Variants in NLGN3 observed in about 807,000 individuals in gnomAD.
NLGN3 encodes neuroligin-3.
In NLGN3, 11 loss-of-function variants were observed where a neutral mutation model predicts 42.9. The observed-to-expected ratio is 0.26, with a 90% CI of 0.16 to 0.42. The LOEUF (loss-of-function observed/expected upper bound fraction) is 0.42. NLGN3 is among the 10% of genes least tolerant of loss of function. The pLI is 1.00. For synonymous variants in NLGN3, 279 were observed against 312.7 expected (o/e 0.89, Z 1.14); for missense variants, 374 against 733.8 (o/e 0.51, Z 5.67).
rs190937116 is a variant in NLGN3 at position 71,158,220 on chromosome X, G to T, written c.727+2857G>T. 1.8e-3 allele frequency among the ~76,000 whole-genome samples: 196 copies of T among 110,373 alleles called. 2 individuals carry two copies. The highest frequency in any genetic ancestry group is 3.1e-3 in the Non-Finnish European group (165 of 52,830). ...AGCCTCCCGAGCAGCTGGGATTATG[G>T]ATTACAGGTGTGCACCACCACACCC... On this transcript the variant is annotated intron_variant, in intron 5 of 7. Transcript: ENST00000358741.
At chrX:71,174,073 A>G (rs915375781), downstream of NLGN3, among the ~76,000 whole-genome samples, 1 of 111,905 alleles carries the variant, frequency 8.9e-6, no homozygotes, top group Non-Finnish European at 1.9e-5. Flanking sequence ...GCAACTGGAC[A>G]CCCTGACTGA....
intron 1 of NLGN3, among the ~76,000 whole-genome samples, chrX:71,146,821 G>A (rs1342773323): frequency 9.0e-6 from 1 of 111,427 alleles, no homozygotes; most frequent in Non-Finnish European, 1.9e-5. Flanking sequence ...ATAATACACC[G>A]GAAGAGCATC....
downstream of NLGN3, among the ~76,000 whole-genome samples, chrX:71,173,270 G>A (rs752786089): frequency 1.8e-5 from 2 of 111,118 alleles, no homozygotes; most frequent in East Asian, 5.7e-4. Context: ...AACTCAAGGC[G>A]CCATAGCAAA....
At chrX:71,164,839 A>G (rs192359340) in intron 6 of NLGN3, among the ~76,000 whole-genome samples, 9 of 111,242 alleles carry the variant, frequency 8.1e-5, no homozygotes, top group Admixed American at 7.6e-4. Context: ...CCATAGGACG[A>G]TGGTCTATTA....
rs1490665503 is a variant in NLGN3 at position 71,169,837 on chromosome X, C to T, written c.2287C>T (p.Leu763=). 2 of 1,203,331 alleles carry T rather than the reference C, an allele frequency of 1.7e-6. No individual in the cohort carries two copies. Among genetic ancestry groups the T allele is most frequent in the Non-Finnish European group, 2.2e-6 (2 of 891,142 alleles). The stretch of plus-strand genomic sequence containing the variant: ...GTTGGGAGCTGCTCCAGAGGAGGAG[C>T]TGGCAGCATTACAACTGGGCCCCAC... The part of the protein sequence containing the change: ...PELGAAPEEE[L]AALQLGPTHH... Residue 763 remains leucine, a synonymous_variant, in exon 8 of 8, where the codon CTG becomes TTG. Transcript: ENST00000358741.
In NLGN3 at chrX:71,168,884, G is replaced by GGAA. The variant is rs1569485762; in HGVS notation, c.1704-370_1704-369insGAA. 3.2e-4 allele frequency among the ~76,000 whole-genome samples: 23 copies of GGAA among 71,589 alleles called. No individual in the cohort carries two copies. In the African/African-American group the frequency reaches 3.2e-3, roughly 10 times the overall value. The allele number at this position is 71,589 out of a possible 115,157, so 62.2% of individuals were successfully genotyped here. A position where few individuals can be genotyped will look rare whatever the true frequency, so the allele number is the denominator to read the frequency against. ...AAGAAAGAAAGAGAAAGAAAAGAAA[G>GGAA]AGAAAGAAAGAAAGAAAGAAAAAGA... On this transcript the variant is annotated intron_variant, in intron 7 of 7. Coordinates refer to ENST00000358741, the MANE Select transcript of NLGN3 (RefSeq NM_181303.2).
chrX:71,167,874 T>C (rs2092452019), intron 7 of NLGN3, 74 bp downstream of exon 7: 3 of 902,698 alleles, frequency 3.3e-6, no homozygotes, highest in Non-Finnish European at 4.9e-6. Flanking sequence ...TAGCTAAACC[T>C]CTTCCATCAT....
intron 4 of NLGN3, 96 bp downstream of exon 4, chrX:71,153,632 G>A (rs995724032): frequency 2.1e-5 from 17 of 825,615 alleles, no homozygotes; most frequent in African/African-American, 1.6e-4. Context: ...CTGTCTGTCC[G>A]TTGGTGTGTT....
At position 71,148,914 on chromosome X, in the gene NLGN3, C is replaced by T. The variant is rs778206095; in HGVS notation, c.517+9C>T. ...AATTTGTAGGAAAGGAGGTAGGTAG[C>T]GAGCCGGCGGGGAGGGAGAGAGAGA... On this transcript the variant is annotated intron_variant, in intron 3 of 7. Transcript: ENST00000358741. 6.6e-6 allele frequency: 7 copies of T among 1,063,278 alleles called. No individual in the cohort carries two copies. Among genetic ancestry groups the T allele is most frequent in the South Asian group, 4.9e-5 (2 of 41,068 alleles). The allele number at this position is 1,063,278 out of a possible 1,213,427, so 87.6% of individuals were successfully genotyped here.
chrX:71,164,961 A>G (rs1168705445), intron 6 of NLGN3, among the ~76,000 whole-genome samples: 1 of 111,101 alleles, frequency 9.0e-6, no homozygotes, highest in African/African-American at 3.3e-5. Context: ...AGAGCAGAAT[A>G]GGTCCTTTTT....
intron 5 of NLGN3, among the ~76,000 whole-genome samples, chrX:71,159,026 A>T (rs2092420081): frequency 9.0e-6 from 1 of 110,925 alleles, no homozygotes; most frequent in African/African-American, 3.3e-5. Context: ...GTGCGCACAC[A>T]CACACTTAAT....
At position 71,166,324 on chromosome X, in the gene NLGN3, C is replaced by T. The variant is rs751024074; in HGVS notation, c.914-687C>T. Among the ~76,000 whole-genome samples, 387 of 110,233 alleles carry T rather than the reference C, an allele frequency of 3.5e-3. 7 individuals carry two copies. The highest frequency in any genetic ancestry group is 0.012 in the African/African-American group (376 of 30,316). On this transcript the variant is annotated intron_variant, in intron 6 of 7. Transcript: ENST00000358741. ...ATACAAAATTAGCCGGGCGTGGTGG[C>T]GGGTGCCTGTAATCCCAGCTACTCG...
rs368370311 is a variant in NLGN3, at chrX:71,169,440, C to A, written c.1890C>A (p.His630Gln). 3 of 1,208,998 alleles carry A rather than the reference C, an allele frequency of 2.5e-6. No individual in the cohort carries two copies. The African/African-American group carries it at 5.3e-5, about 21-fold the overall frequency. The part of the protein sequence containing the change: ...KVAFWKHLVP[H>Q]LYNLHDMFHY... ...CCTTTTGGAAACATCTGGTGCCCCACCTATACAACCTGCATGACATGTTCC... is the reference window on the plus strand; with the variant it reads ...CCTTTTGGAAACATCTGGTGCCCCAACTATACAACCTGCATGACATGTTCC... The change falls in exon 8 of 8, where the codon CAC becomes CAA. Residue 630 changes from histidine (H) to glutamine (Q), a missense_variant. This residue lies in a region of NLGN3 where 142 missense variants were observed against 359.1 expected (regional missense o/e 0.40). Transcript: ENST00000358741.
chrX:71,160,646 CAAAG>C (rs1456945165), intron 5 of NLGN3, among the ~76,000 whole-genome samples: 1 of 112,332 alleles, frequency 8.9e-6, no homozygotes, highest in African/African-American at 3.2e-5. Flanking sequence ...TTGAAGCCAA[CAAAG>C]AAAGGGACTC....
chrX:71,159,657 G>A (rs1318132978), intron 5 of NLGN3, among the ~76,000 whole-genome samples: 3 of 110,797 alleles, frequency 2.7e-5, no homozygotes, highest in African/African-American at 9.9e-5. Context: ...CATATAAGAT[G>A]TTTGTTTTTG....
At position 71,169,464 on chromosome X, in the gene NLGN3, C is replaced by A; in HGVS notation, c.1914C>A (p.Phe638Leu). 8.3e-7 allele frequency: 1 copy of A among 1,211,516 alleles called. No homozygotes were observed. Among genetic ancestry groups the A allele is most frequent in the Non-Finnish European group, 1.1e-6 (1 of 895,311 alleles). Reference sequence around the variant, plus strand: ...ACCTATACAACCTGCATGACATGTTCCACTATACGTCCACCACCACCAAAG... The same window carrying A: ...ACCTATACAACCTGCATGACATGTTACACTATACGTCCACCACCACCAAAG... ...VPHLYNLHDMFHYTSTTTKVP... is the reference protein window; with the variant it reads ...VPHLYNLHDMLHYTSTTTKVP... Residue 638 changes from phenylalanine to leucine, a missense_variant, in exon 8 of 8, where the codon TTC (phenylalanine) becomes TTA (leucine). Physicochemically the swap from Phe to Leu is conservative, Grantham distance 22. Around this residue, in one of 6 missense-constraint regions of NLGN3, gnomAD observed 142 missense variants for 359.1 expected, o/e 0.40. Coordinates refer to ENST00000358741, the MANE Select transcript of NLGN3 (RefSeq NM_181303.2).
intron 6 of NLGN3, among the ~76,000 whole-genome samples, chrX:71,166,375 GA>G (rs1229572335): frequency 9.2e-6 from 1 of 108,936 alleles, no homozygotes. Context: ...AGAAACGCTT[GA>G]ACCTGGGAGG....
intron 3 of NLGN3, among the ~76,000 whole-genome samples, chrX:71,152,956 C>A (rs890398480): frequency 2.7e-5 from 3 of 111,987 alleles, no homozygotes; most frequent in African/African-American, 9.7e-5. Context: ...CTTGAGCCTG[C>A]CCACTGGGCC....
chrX:71,169,533 G>A lies in NLGN3; in HGVS notation c.1983G>A (p.Arg661=). 1.7e-6 allele frequency: 2 copies of A among 1,211,815 alleles called. No individual in the cohort carries two copies. The highest frequency in any genetic ancestry group is 2.2e-5 in the Admixed American group (1 of 46,095). Residue 661 remains arginine (R), a synonymous_variant, in exon 8 of 8, where the codon AGG becomes AGA. Transcript: ENST00000358741. ...CCCACAGCTCCCACATCACCCGCAGGCCCAATGGCAAGACCTGGAGCACCA... is the reference window on the plus strand; with the variant it reads ...CCCACAGCTCCCACATCACCCGCAGACCCAATGGCAAGACCTGGAGCACCA... ...DTTHSSHITR[R]PNGKTWSTKR... is the part of the protein sequence containing the mutation.
Sources: allele counts gnomAD v4.1 joint callset (sites outside exome capture counted in the v4.1 genomes callset), GRCh38; gene constraint gnomAD v4.1.1; regional missense constraint gnomAD v4.1.1; transcripts MANE v1.5; gene names NCBI Gene and HGNC (gene_info 2026-07-23, HGNC 2026-07-21).